Variants in HMGCLL1 observed in about 807,000 individuals in gnomAD.
HMGCLL1 encodes 3-hydroxy-3-methylglutaryl-CoA lyase like 1.
In HMGCLL1, 36 loss-of-function variants were observed where a neutral mutation model predicts 39.1. The observed-to-expected ratio is 0.92, with a 90% CI of 0.71 to 1.22. HMGCLL1 has a LOEUF of 1.22. Ranked by LOEUF, HMGCLL1 falls within the 50% of genes most tolerant of loss-of-function variation. The pLI is 0.00. For missense variants in HMGCLL1, 451 were observed against 416.5 expected (o/e 1.08, Z -0.72); for synonymous variants, 149 against 144.0 (o/e 1.03, Z -0.25).
At chr6:55,450,157 G>C (rs1260183785) in intron 7 of HMGCLL1, among the ~76,000 whole-genome samples, 1 of 152,144 alleles carries the variant, frequency 6.6e-6, no homozygotes, top group Admixed American at 6.6e-5. Context: ...TCACAAGCCA[G>C]GGTAGAAAAC....
upstream of HMGCLL1, among the ~76,000 whole-genome samples, chr6:55,583,825 G>T (rs939206700): frequency 6.6e-6 from 1 of 152,024 alleles, no homozygotes; most frequent in Non-Finnish European, 1.5e-5. Flanking sequence ...ATTTGTTTTT[G>T]TTAACATCTT....
intron 1 of HMGCLL1, chr6:55,566,756 A>C: frequency 2.7e-6 from 1 of 367,362 alleles, no homozygotes; most frequent in South Asian, 2.2e-5. Context: ...AGTAGCCAAG[A>C]AAAGGAACAA....
At chr6:55,482,116 C>T (rs547877065) in intron 7 of HMGCLL1, among the ~76,000 whole-genome samples, 1 of 152,236 alleles carries the variant, frequency 6.6e-6, no homozygotes, top group Non-Finnish European at 1.5e-5. Flanking sequence ...ATTTCTAATA[C>T]TCTGATTCTA....
chr6:55,578,928 C>T lies in HMGCLL1; in HGVS notation c.108+20G>A. 7 of 1,589,530 alleles carry T rather than the reference C, an allele frequency of 4.4e-6. No homozygotes were observed. Among genetic ancestry groups the T allele is most frequent in the Non-Finnish European group, 6.0e-6 (7 of 1,163,184 alleles). The stretch of plus-strand genomic sequence containing the variant: ...AGTGTGCGCATGAGGGTGGGGACAC[C>T]CTGGGCCGCGAGGTGGTACCTGCGC... On this transcript the variant is annotated intron_variant, in intron 1 of 8. Coordinates refer to ENST00000274901, the MANE Select transcript of HMGCLL1 (RefSeq NM_001042406.2).
At chr6:55,483,361 G>A (rs1765841066) in intron 7 of HMGCLL1, among the ~76,000 whole-genome samples, 1 of 152,128 alleles carries the variant, frequency 6.6e-6, no homozygotes, top group Non-Finnish European at 1.5e-5. Flanking sequence ...TGCCTCCCAG[G>A]TTCAAGCAAT....
chr6:55,551,133 T>C (rs1581937651), intron 1 of HMGCLL1, among the ~76,000 whole-genome samples: 2 of 151,368 alleles, frequency 1.3e-5, no homozygotes, highest in Non-Finnish European at 2.9e-5. Flanking sequence ...CTATATAAAG[T>C]AATTCATATA....
the HMGCLL1 span, among the ~76,000 whole-genome samples, chr6:55,614,719 C>T: frequency 3.3e-5 from 5 of 152,120 alleles, no homozygotes; most frequent in South Asian, 1.0e-3. Flanking sequence ...TTATTTTCAA[C>T]TTTTATAGGT....
the HMGCLL1 span, among the ~76,000 whole-genome samples, chr6:55,636,234 A>T: frequency 6.6e-6 from 1 of 152,202 alleles, no homozygotes; most frequent in East Asian, 1.9e-4. Context: ...CTAGAAAAAA[A>T]GCCAACATTT....
At chr6:55,637,569 G>A in the HMGCLL1 span, among the ~76,000 whole-genome samples, 12 of 152,058 alleles carry the variant, frequency 7.9e-5, no homozygotes, top group African/African-American at 2.9e-4. Context: ...CAAAACAATG[G>A]TCTCTCTTAA....
At chr6:55,652,724 A>T in the HMGCLL1 span, among the ~76,000 whole-genome samples, 1 of 152,102 alleles carries the variant, frequency 6.6e-6, no homozygotes, top group Non-Finnish European at 1.5e-5. Context: ...CACAAGTCAC[A>T]TGCAAATCAA....
intron 1 of HMGCLL1, among the ~76,000 whole-genome samples, chr6:55,574,045 G>T (rs1343870045): frequency 6.6e-6 from 1 of 151,836 alleles, no homozygotes; most frequent in African/African-American, 2.4e-5. Flanking sequence ...CTGCTATCAT[G>T]GCTGTTAATT....
intron 3 of HMGCLL1, among the ~76,000 whole-genome samples, chr6:55,532,696 G>A (rs2127449506): frequency 6.6e-6 from 1 of 151,906 alleles, no homozygotes; most frequent in Admixed American, 6.6e-5. Context: ...AGCTACTTGA[G>A]AGGCTGAAGC....
chr6:55,493,562 A>G (rs9475318), intron 7 of HMGCLL1, among the ~76,000 whole-genome samples: 80,228 of 151,896 alleles, frequency 0.53, 21,443 homozygotes, highest in African/African-American at 0.63. Context: ...ATCTGAATAC[A>G]TTAGTCTTCT....
At chr6:55,485,267 G>A (rs117827815) in intron 7 of HMGCLL1, among the ~76,000 whole-genome samples, 1,705 of 151,474 alleles carry the variant, frequency 0.011, 101 homozygotes, top group Admixed American at 0.095. Flanking sequence ...AGCTTTTATC[G>A]CCAATTAATA....
Position 55,499,276 on chromosome 6 carries a change from C to G in HMGCLL1, c.566G>C (p.Cys189Ser). The part of the protein sequence containing the change: ...ARGYVSCALG[C>S]PYEGSITPQK... ...CGGTGTAATACTTCCTTCATATGGACAGCCCAGAGCACAAGACACATACCT... is the reference window on the plus strand; with the variant it reads ...CGGTGTAATACTTCCTTCATATGGAGAGCCCAGAGCACAAGACACATACCT... Residue 189 changes from cysteine to serine, a missense_variant, in exon 6 of 9, where the codon TGT becomes TCT. Transcript: ENST00000274901. 1 of 1,609,458 alleles carries G rather than the reference C, an allele frequency of 6.2e-7. No individual in the cohort carries two copies. The highest frequency in any genetic ancestry group is 2.2e-5 in the East Asian group (1 of 44,680).
At chr6:55,559,912 C>A (rs2127469911) in intron 1 of HMGCLL1, among the ~76,000 whole-genome samples, 1 of 152,206 alleles carries the variant, frequency 6.6e-6, no homozygotes, top group South Asian at 2.1e-4. Flanking sequence ...CAGAGTTAAA[C>A]TTCATTTTGT....
At chr6:55,532,059 A>T (rs1768718728) in intron 3 of HMGCLL1, among the ~76,000 whole-genome samples, 1 of 152,188 alleles carries the variant, frequency 6.6e-6, no homozygotes, top group Admixed American at 6.5e-5. Flanking sequence ...CCACAAAACC[A>T]GTCCTTTGTG....
At chr6:55,653,313 C>T in the HMGCLL1 span, among the ~76,000 whole-genome samples, 1 of 152,020 alleles carries the variant, frequency 6.6e-6, no homozygotes, top group East Asian at 1.9e-4. Context: ...CACTCCAGGA[C>T]AAGAGCAAAC....
chr6:55,650,004 G>T, the HMGCLL1 span, among the ~76,000 whole-genome samples: 6 of 141,196 alleles, frequency 4.2e-5, no homozygotes, highest in East Asian at 6.5e-4. Flanking sequence ...GTGTTACCTT[G>T]AATTTATTTG....
Sources: gnomAD v4.1 joint callset for allele counts (sites outside exome capture counted in the v4.1 genomes callset) on GRCh38, gnomAD v4.1.1 for gene constraint, MANE v1.5 for transcripts, NCBI Gene and HGNC (gene_info 2026-07-23, HGNC 2026-07-21) for gene names.